The following ATP8A2 variants were observed in gnomAD, a reference collection of about 807,000 sequenced individuals.
ATP8A2 encodes the protein phospholipid-transporting ATPase IB.
Under a neutral mutation model 165.6 loss-of-function variants are expected in ATP8A2, and 100 were observed. The ratio of observed to expected loss-of-function variants is 0.60; its 90% CI spans 0.51 to 0.71. The LOEUF (loss-of-function observed/expected upper bound fraction) is 0.71, where lower values mean the gene tolerates loss of function less well. Ranked by LOEUF, ATP8A2 falls within the 30% of genes least tolerant of loss-of-function variation. ATP8A2 has a pLI of 0.00. For missense variants in ATP8A2, 1,227 were observed against 1,479.5 expected (o/e 0.83, Z 2.80); for synonymous variants, 543 against 548.8 (o/e 0.99, Z 0.15).
intron 1 of ATP8A2, among the ~76,000 whole-genome samples, chr13:25,445,276 AG>A (rs1028783370): frequency 6.6e-6 from 1 of 152,240 alleles, no homozygotes; most frequent in African/African-American, 2.4e-5. Flanking sequence ...CAATTAAAAT[AG>A]GTTGAATTAG....
intron 33 of ATP8A2, among the ~76,000 whole-genome samples, chr13:25,909,246 A>G (rs1198557053): frequency 6.6e-6 from 1 of 152,196 alleles, no homozygotes; most frequent in African/African-American, 2.4e-5. Context: ...AAGGTATTAT[A>G]TATCTCAAAA....
intron 35 of ATP8A2, among the ~76,000 whole-genome samples, chr13:25,981,448 T>C (rs542631156): frequency 1.3e-5 from 2 of 152,356 alleles, no homozygotes; most frequent in African/African-American, 4.8e-5. Context: ...CACGTAAGAA[T>C]GCTTGTTTGA....
At chr13:26,012,723 G>A (rs1956876570) in intron 36 of ATP8A2, 101 bp downstream of exon 36, 1 of 223,110 alleles carries the variant, frequency 4.5e-6, no homozygotes, top group South Asian at 6.2e-5. Flanking sequence ...GGCCGGGTGA[G>A]TGCTGACGGG....
chr13:25,777,719 G>C (rs1185956780), intron 27 of ATP8A2, among the ~76,000 whole-genome samples: 1 of 152,166 alleles, frequency 6.6e-6, no homozygotes. Flanking sequence ...ATTATTATGA[G>C]GATCATTATA....
intron 35 of ATP8A2, among the ~76,000 whole-genome samples, chr13:26,000,834 C>G (rs762467045): frequency 1.3e-5 from 2 of 152,092 alleles, no homozygotes; most frequent in Non-Finnish European, 2.9e-5. Context: ...GCACCCAATC[C>G]ACCTTTTTTT....
chr13:25,450,951 T>G (rs1303149910), intron 1 of ATP8A2, among the ~76,000 whole-genome samples: 1 of 152,110 alleles, frequency 6.6e-6, no homozygotes, highest in Non-Finnish European at 1.5e-5. Flanking sequence ...ATATTTTGTT[T>G]GGTGATCATT....
chr13:25,545,370 C>T (rs976478467), intron 10 of ATP8A2, among the ~76,000 whole-genome samples: 2 of 152,002 alleles, frequency 1.3e-5, no homozygotes, highest in Non-Finnish European at 2.9e-5. Context: ...TGTTTCTGAG[C>T]GGCCTGCATA....
chr13:25,454,536 C>G (rs1312191530), intron 1 of ATP8A2, among the ~76,000 whole-genome samples: 1 of 152,146 alleles, frequency 6.6e-6, no homozygotes, highest in East Asian at 1.9e-4. Flanking sequence ...GCAAGCAGAG[C>G]TGGGCAGGGC....
intron 33 of ATP8A2, among the ~76,000 whole-genome samples, chr13:25,925,464 G>A (rs927017452): frequency 6.1e-5 from 9 of 146,870 alleles, no homozygotes; most frequent in Non-Finnish European, 1.2e-4. Flanking sequence ...AGCTCTGGAA[G>A]GCAGAGCTTG....
chr13:25,868,524 T>C (rs1441419282), intron 33 of ATP8A2, among the ~76,000 whole-genome samples: 1 of 151,550 alleles, frequency 6.6e-6, no homozygotes, highest in East Asian at 1.9e-4. Context: ...CAATTATTCA[T>C]TGAAGTCCAA....
intron 24 of ATP8A2, among the ~76,000 whole-genome samples, chr13:25,595,110 A>G (rs2040202694): frequency 6.6e-6 from 1 of 152,114 alleles, no homozygotes; most frequent in African/African-American, 2.4e-5. Context: ...CTAAGAAACA[A>G]GTAATTAAAC....
intron 33 of ATP8A2, among the ~76,000 whole-genome samples, chr13:25,950,398 TC>T (rs575435212): frequency 7.3e-4 from 111 of 152,256 alleles, no homozygotes; most frequent in Non-Finnish European, 1.3e-3. Context: ...ATTAAAATGA[TC>T]ACTACCTGAA....
At chr13:25,581,747 C>G (rs1219944207) in intron 22 of ATP8A2, 72 bp from the exon 23 acceptor site, 29 of 1,425,224 alleles carry the variant, frequency 2.0e-5, no homozygotes, top group Non-Finnish European at 2.9e-5. Flanking sequence ...GATTGCCTTT[C>G]TTTGTCAGAA....
At chr13:25,784,575 C>T (rs1221875004) in intron 27 of ATP8A2, among the ~76,000 whole-genome samples, 3 of 152,136 alleles carry the variant, frequency 2.0e-5, no homozygotes, top group East Asian at 3.8e-4. Flanking sequence ...TAGAGGCACA[C>T]ACGTAAGAAT....
chr13:25,921,343 C>T (rs913315415), intron 33 of ATP8A2, among the ~76,000 whole-genome samples: 13 of 151,922 alleles, frequency 8.6e-5, no homozygotes, highest in East Asian at 5.8e-4. Context: ...TGAGGCCAGG[C>T]ACGGTGGCTC....
At chr13:25,721,385 G>C (rs1445250417) in intron 25 of ATP8A2, among the ~76,000 whole-genome samples, 1 of 152,040 alleles carries the variant, frequency 6.6e-6, no homozygotes, top group Non-Finnish European at 1.5e-5. Context: ...GTCTGTTTTT[G>C]CTTTGGTTGC....
At chr13:25,653,812 T>G (rs1213873057) in intron 24 of ATP8A2, among the ~76,000 whole-genome samples, 1 of 152,094 alleles carries the variant, frequency 6.6e-6, no homozygotes, top group Non-Finnish European at 1.5e-5. Flanking sequence ...GTTCCAACTT[T>G]TCAGGCAGAG....
chr13:25,652,708 C>T (rs77372561), intron 24 of ATP8A2, among the ~76,000 whole-genome samples: 5,235 of 152,196 alleles, frequency 0.034, 154 homozygotes, highest in East Asian at 0.13. Context: ...CCTTGATTTT[C>T]TAACTGGCTC....
At chr13:25,499,450 G>T (rs866851583) in intron 2 of ATP8A2, among the ~76,000 whole-genome samples, 2 of 152,304 alleles carry the variant, frequency 1.3e-5, no homozygotes, top group South Asian at 4.1e-4. Flanking sequence ...ATGTTTGGGG[G>T]GTTGAATCTT....
Sources: gnomAD v4.1 joint callset for allele counts (sites outside exome capture counted in the v4.1 genomes callset) on GRCh38, gnomAD v4.1.1 for gene constraint, MANE v1.5 for transcripts, NCBI Gene and HGNC (gene_info 2026-07-23, HGNC 2026-07-21) for gene names.